Variants in EXT1 observed in about 807,000 individuals in gnomAD.
The protein encoded by EXT1 is exostosin-1.
A neutral mutation model predicts 82.5 loss-of-function variants in EXT1; 20 were observed. The ratio of observed to expected loss-of-function variants is 0.24; its 90% CI spans 0.17 to 0.35. The LOEUF (loss-of-function observed/expected upper bound fraction) is 0.35. Among genes scored for constraint, EXT1 ranks in the 10% least tolerant of loss-of-function variants. EXT1 has a pLI of 1.00. For missense variants in EXT1, 757 were observed against 936.5 expected (o/e 0.81, Z 2.50); for synonymous variants, 348 against 350.8 (o/e 0.99, Z 0.09).
chr8:118,017,651 C>T (rs1270513788), intron 1 of EXT1, among the ~76,000 whole-genome samples: 1 of 152,210 alleles, frequency 6.6e-6, no homozygotes, highest in African/African-American at 2.4e-5. Context: ...TGGCAGATTA[C>T]ATTTTTAGTT....
intron 1 of EXT1, among the ~76,000 whole-genome samples, chr8:117,920,768 G>A (rs1403319059): frequency 6.6e-6 from 1 of 152,166 alleles, no homozygotes; most frequent in Non-Finnish European, 1.5e-5. Context: ...TCCCTGTGAA[G>A]ATAACTTAGC....
intron 1 of EXT1, among the ~76,000 whole-genome samples, chr8:117,967,970 CCA>C (rs1436812965): frequency 6.6e-6 from 1 of 152,118 alleles, no homozygotes; most frequent in Non-Finnish European, 1.5e-5. Flanking sequence ...GCTGCTCTTG[CCA>C]CACATACAAA....
At chr8:117,880,094 A>T (rs1384087277) in intron 1 of EXT1, among the ~76,000 whole-genome samples, 1 of 152,130 alleles carries the variant, frequency 6.6e-6, no homozygotes, top group African/African-American at 2.4e-5. Flanking sequence ...ATTTTTGACA[A>T]CCTCTATAAC....
chr8:117,851,458 T>TA (rs898733947), intron 1 of EXT1, among the ~76,000 whole-genome samples: 1 of 151,312 alleles, frequency 6.6e-6, no homozygotes, highest in Non-Finnish European at 1.5e-5. Flanking sequence ...CAGAAGTGCT[T>TA]AAGCTGCCTT....
chr8:117,867,483 C>T (rs371717418), intron 1 of EXT1, among the ~76,000 whole-genome samples: 3 of 152,094 alleles, frequency 2.0e-5, no homozygotes, highest in African/African-American at 7.2e-5. Context: ...TTTGTGTGAA[C>T]TGGCTACCTG....
chr8:118,010,016 C>T (rs1815863527), intron 1 of EXT1, among the ~76,000 whole-genome samples: 1 of 152,116 alleles, frequency 6.6e-6, no homozygotes, highest in Non-Finnish European at 1.5e-5. Context: ...AACCAAATCC[C>T]TGAGCTCAGA....
intron 1 of EXT1, among the ~76,000 whole-genome samples, chr8:117,859,910 G>A (rs1300705158): frequency 6.6e-6 from 1 of 152,110 alleles, no homozygotes; most frequent in African/African-American, 2.4e-5. Flanking sequence ...ACTTTGGGAG[G>A]CCGAGGTGGG....
chr8:118,058,756 T>C (rs1466152208), intron 1 of EXT1, among the ~76,000 whole-genome samples: 3 of 152,212 alleles, frequency 2.0e-5, no homozygotes, highest in Non-Finnish European at 2.9e-5. Flanking sequence ...TGGATGGATA[T>C]GATAGGTATA....
At chr8:118,068,389 T>C (rs913481381) in intron 1 of EXT1, among the ~76,000 whole-genome samples, 3 of 152,200 alleles carry the variant, frequency 2.0e-5, no homozygotes, top group African/African-American at 7.2e-5. Flanking sequence ...TAGGTAAACA[T>C]GTGCCATGGT....
At position 117,799,641 on chromosome 8, in the gene EXT1, C is replaced by A. The variant is rs1823133569; in HGVS notation, c.*71G>T. ...AATCTGGCTCTGCTGATGAGTGGAT[C>A]TGCACTGGGAAGAGAGAGCAGCTTG... On this transcript the variant is annotated 3_prime_UTR_variant, in exon 11 of 11. Coordinates refer to ENST00000378204, the MANE Select transcript of EXT1 (RefSeq NM_000127.3). 2 of 1,557,176 alleles carry A rather than the reference C, an allele frequency of 1.3e-6. No homozygotes were observed. Among genetic ancestry groups the A allele is most frequent in the African/African-American group, 2.7e-5 (2 of 73,594 alleles).
At chr8:117,811,780 T>C (rs925205757) in intron 8 of EXT1, among the ~76,000 whole-genome samples, 1 of 152,156 alleles carries the variant, frequency 6.6e-6, no homozygotes, top group African/African-American at 2.4e-5. Flanking sequence ...CACGCCTGGC[T>C]AATTTTTGTA....
chr8:117,808,454 G>A (rs968216259), intron 8 of EXT1, among the ~76,000 whole-genome samples: 2 of 152,160 alleles, frequency 1.3e-5, no homozygotes, highest in African/African-American at 4.8e-5. Flanking sequence ...TCAAACTCAG[G>A]CAGTCTGGTT....
At chr8:118,062,920 G>A (rs936582990) in intron 1 of EXT1, among the ~76,000 whole-genome samples, 1 of 152,148 alleles carries the variant, frequency 6.6e-6, no homozygotes, top group Non-Finnish European at 1.5e-5. Flanking sequence ...TCATAACTAT[G>A]ACTAGGTCAC....
intron 1 of EXT1, among the ~76,000 whole-genome samples, chr8:117,982,616 G>A (rs1401036193): frequency 1.3e-5 from 2 of 151,912 alleles, no homozygotes; most frequent in South Asian, 2.1e-4. Context: ...TCAGCCTCCC[G>A]AGTACCTGAG....
At chr8:117,852,416 C>A (rs998623144) in intron 1 of EXT1, among the ~76,000 whole-genome samples, 6 of 152,088 alleles carry the variant, frequency 3.9e-5, no homozygotes, top group Non-Finnish European at 1.5e-5. Context: ...CAGGGTCAGC[C>A]CCATCTCACA....
rs147654656 is a variant in EXT1, at chr8:118,110,948, G to A, written c.99C>T (p.Ser33=). The A allele has an allele frequency of 5.2e-5, 84 of 1,613,122 alleles. No homozygotes were observed. In the African/African-American group the frequency reaches 1.0e-3, roughly 20 times the overall value. Residue 33 remains serine, a synonymous_variant, in exon 1 of 11, where the codon AGC becomes AGT. Coordinates refer to ENST00000378204, the MANE Select transcript of EXT1 (RefSeq NM_000127.3). ...CGCTGTGTTCTTCTCTCCGGCTGTG[G>A]CTCCTCGATGCCCTAAACTGCAAGC... ...FGGLQFRASR[S]HSRREEHSGR...
At chr8:118,030,592 C>T (rs1392140565) in intron 1 of EXT1, among the ~76,000 whole-genome samples, 1 of 152,170 alleles carries the variant, frequency 6.6e-6, no homozygotes, top group African/African-American at 2.4e-5. Context: ...AGTGATTCTC[C>T]TGGCTTAGCC....
chr8:117,946,528 C>G (rs11562668), intron 1 of EXT1, among the ~76,000 whole-genome samples: 18,412 of 152,110 alleles, frequency 0.12, 1,880 homozygotes, highest in African/African-American at 0.27. Context: ...AGACCAGGGC[C>G]TGCCAAGACA....
chr8:117,902,138 T>C (rs12682332), intron 1 of EXT1, among the ~76,000 whole-genome samples: 46,298 of 151,642 alleles, frequency 0.31, 7,384 homozygotes, highest in East Asian at 0.37. Flanking sequence ...ACATCTTGTC[T>C]CACTGGAAGG....
Sources: gnomAD v4.1 joint callset for allele counts (sites outside exome capture counted in the v4.1 genomes callset) on GRCh38, gnomAD v4.1.1 for gene constraint, MANE v1.5 for transcripts, NCBI Gene and HGNC (gene_info 2026-07-23, HGNC 2026-07-21) for gene names.